The following TRIM62 variants were observed in gnomAD, a reference collection of about 807,000 sequenced individuals.
TRIM62 encodes E3 ubiquitin-protein ligase TRIM62.
TRIM62 carries 39 observed loss-of-function variants against 44.2 expected under a neutral mutation model. The ratio of observed to expected loss-of-function variants is 0.88; its 90% CI spans 0.68 to 1.15. The LOEUF (loss-of-function observed/expected upper bound fraction) is 1.15, where lower values mean the gene tolerates loss of function less well. Among genes scored for constraint, TRIM62 ranks in the 50% most tolerant of loss-of-function variants. The pLI, the probability that TRIM62 is intolerant of heterozygous loss-of-function variation, is 0.00. For missense variants in TRIM62, 544 were observed against 665.5 expected (o/e 0.82, Z 2.01); for synonymous variants, 278 against 292.3 (o/e 0.95, Z 0.50).
chr1:33,160,047 T>C, intron 2 of TRIM62, 103 bp from the exon 3 acceptor site: 2 of 1,470,382 alleles, frequency 1.4e-6, no homozygotes, highest in Non-Finnish European at 1.8e-6. Context: ...GAGGAAAGGG[T>C]GGGAAAGGGC....
intron 4 of TRIM62, among the ~76,000 whole-genome samples, chr1:33,151,020 G>C (rs972855310): frequency 3.9e-5 from 6 of 152,098 alleles, no homozygotes; most frequent in African/African-American, 1.4e-4. Flanking sequence ...GTGCGGGGCG[G>C]GGGGTACCCT....
chr1:33,170,899 C>T (rs932988244), intron 1 of TRIM62, among the ~76,000 whole-genome samples: 5 of 152,178 alleles, frequency 3.3e-5, no homozygotes, highest in Non-Finnish European at 7.4e-5. Flanking sequence ...AGTGTTCAGC[C>T]TCACAGGGCA....
intron 3 of TRIM62, 24 bp from the exon 4 acceptor site, chr1:33,158,392 G>A (rs771187884): frequency 6.2e-7 from 1 of 1,602,588 alleles, no homozygotes; most frequent in South Asian, 1.1e-5. Context: ...AGGAAAGGGG[G>A]CTGCACCAGG....
In TRIM62 at chr1:33,165,607, C is replaced by A; in HGVS notation, c.409-41G>T. 1 of 1,544,774 alleles carries A rather than the reference C, an allele frequency of 6.5e-7. No homozygotes were observed. Among genetic ancestry groups the A allele is most frequent in the Admixed American group, 1.9e-5 (1 of 53,666 alleles). The stretch of plus-strand genomic sequence containing the variant: ...GGCCGGGATGGGGGCAGGGGCCATG[C>A]CTGGCCCAGGCATTCAGCCCTGACC... On this transcript the variant is annotated intron_variant, in intron 1 of 4. Transcript: ENST00000291416. The surrounding 1 kb of genome is among the most constrained non-coding windows in gnomAD (Gnocchi z 4.0).
chr1:33,163,485 A>C (rs1426080238), intron 2 of TRIM62: 1 of 152,276 alleles, frequency 6.6e-6, no homozygotes, highest in East Asian at 1.9e-4. Context: ...CTCAGCACAG[A>C]GAAAAGTTCT....
intron 4 of TRIM62, among the ~76,000 whole-genome samples, chr1:33,155,572 A>G (rs946695477): frequency 6.6e-6 from 1 of 152,190 alleles, no homozygotes; most frequent in Non-Finnish European, 1.5e-5. Context: ...AAGGAAGGGC[A>G]CAGGCTCTGG....
Position 33,177,546 on chromosome 1 carries a change from AT to A in TRIM62, c.408+3478del, listed in dbSNP as rs1366716379. On this transcript the variant is annotated intron_variant, in intron 1 of 4. Transcript: ENST00000291416. This position sits in a 1 kb window ranked among gnomAD's most constrained non-coding sequence, Gnocchi z 4.1. ...GGGAAGGCTTCACAGAGGAGGTGAT[AT>A]TTGACCTGAAGTTTTAAAGTTCAGT... 6.6e-6 allele frequency among the ~76,000 whole-genome samples: 1 copy of A among 152,216 alleles called. No individual in the cohort carries two copies. Among genetic ancestry groups the A allele is most frequent in the African/African-American group, 2.4e-5 (1 of 41,450 alleles).
At position 33,161,211 on chromosome 1, in the gene TRIM62, C is replaced by G. The variant is rs147641540; in HGVS notation, c.505-1267G>C. ...GACTGCAATTCTAATAAGCGTTTCC[C>G]GGAAGTCTTCATTGAGAGACGGGTT... On this transcript the variant is annotated intron_variant, in intron 2 of 4. Transcript: ENST00000291416. The surrounding 1 kb of genome is among the most constrained non-coding windows in gnomAD (Gnocchi z 4.3). Among the ~76,000 whole-genome samples, 1 of 152,196 alleles carries G rather than the reference C, an allele frequency of 6.6e-6. No individual in the cohort carries two copies. The highest frequency in any genetic ancestry group is 1.5e-5 in the Non-Finnish European group (1 of 68,026).
intron 1 of TRIM62, among the ~76,000 whole-genome samples, chr1:33,173,708 A>T (rs1335091666): frequency 6.7e-5 from 10 of 149,652 alleles, no homozygotes; most frequent in South Asian, 4.2e-4. Flanking sequence ...ATTAAAAAAA[A>T]TTTTTTTAGA....
chr1:33,166,667 C>G (rs924509362), intron 1 of TRIM62, among the ~76,000 whole-genome samples: 5 of 152,132 alleles, frequency 3.3e-5, no homozygotes, highest in Admixed American at 3.3e-4. Flanking sequence ...CCCGGACAGC[C>G]TGGTTGTGGA....
Position 33,181,335 on chromosome 1 carries a change from C to G in TRIM62, c.98G>C (p.Arg33Pro). ...CCGCACCCAGTGCTCCGTGATGCAG[C>G]GGCGGCAGAAGTAATGCTCGCAGCC... ...SLGCEHYFCRRCITEHWVRQE... is the reference protein window; with the variant it reads ...SLGCEHYFCRPCITEHWVRQE... Residue 33 changes from arginine to proline, a missense_variant, in exon 1 of 5, where the codon CGC becomes CCC. By Grantham distance (103) the Arg-to-Pro change is moderately radical (BLOSUM62 -2). Transcript: ENST00000291416. This position sits in a 1 kb window ranked among gnomAD's most constrained non-coding sequence, Gnocchi z 6.5. 1.3e-6 allele frequency: 2 copies of G among 1,579,868 alleles called. No homozygotes were observed. The highest frequency in any genetic ancestry group is 1.7e-6 in the Non-Finnish European group (2 of 1,166,984).
chr1:33,158,415 G>T, intron 3 of TRIM62, 47 bp from the exon 4 acceptor site: 1 of 1,564,798 alleles, frequency 6.4e-7, no homozygotes, highest in Non-Finnish European at 8.8e-7. Context: ...CTGGATTCCT[G>T]CCCCAATGCC....
chr1:33,156,002 C>G (rs187907762), intron 4 of TRIM62, among the ~76,000 whole-genome samples: 1 of 152,330 alleles, frequency 6.6e-6, no homozygotes, highest in Non-Finnish European at 1.5e-5. Context: ...ATCCCCCAAG[C>G]GCCCACCACT....
chr1:33,181,197 G>T lies in TRIM62; in HGVS notation c.236C>A (p.Pro79Gln), dbSNP rs1317435176. The T allele has an allele frequency of 2.5e-6, 4 of 1,589,624 alleles. No individual in the cohort carries two copies. Among genetic ancestry groups the T allele is most frequent in the Non-Finnish European group, 3.4e-6 (4 of 1,173,544 alleles). The change falls in exon 1 of 5, where the codon CCG becomes CAG. Residue 79 changes from proline to glutamine, a missense_variant. Transcript: ENST00000291416. The surrounding 1 kb of genome is among the most constrained non-coding windows in gnomAD (Gnocchi z 6.5). ...ANIVERYSSF[P>Q]LDAILNARRA... ...GCGCGCGTTGAGGATGGCGTCCAGCGGGAAGGAGCTGTAGCGCTCCACGAT... is the reference window on the plus strand; with the variant it reads ...GCGCGCGTTGAGGATGGCGTCCAGCTGGAAGGAGCTGTAGCGCTCCACGAT...
chr1:33,171,905 C>T (rs1645377495), intron 1 of TRIM62, among the ~76,000 whole-genome samples: 1 of 152,166 alleles, frequency 6.6e-6, no homozygotes, highest in South Asian at 2.1e-4. Context: ...CCTCAGCCTC[C>T]TGAGTAGCTG....
At chr1:33,180,684 C>T (rs1187915456) in intron 1 of TRIM62, among the ~76,000 whole-genome samples, 1 of 152,234 alleles carries the variant, frequency 6.6e-6, no homozygotes, top group Non-Finnish European at 1.5e-5. Context: ...CACAACCCTG[C>T]CCCAGCCCAG....
At chr1:33,155,164 T>C (rs887016445) in intron 4 of TRIM62, among the ~76,000 whole-genome samples, 5 of 149,402 alleles carry the variant, frequency 3.3e-5, no homozygotes, top group Admixed American at 2.6e-4. Flanking sequence ...CTTCACCGCC[T>C]GGGTTCAAGC....
intron 1 of TRIM62, among the ~76,000 whole-genome samples, chr1:33,178,750 C>T (rs902164504): frequency 2.0e-5 from 3 of 152,322 alleles, no homozygotes; most frequent in South Asian, 4.1e-4. Flanking sequence ...TCCAACCCCA[C>T]AACAGTGCAC....
In TRIM62 at chr1:33,159,830, T is replaced by C. The variant is rs1645237470; in HGVS notation, c.619A>G (p.Thr207Ala). The change falls in exon 3 of 5, where the codon ACG becomes GCG. Residue 207 changes from threonine to alanine, a missense_variant. Thr to Ala is a moderately conservative substitution (Grantham distance 58). Transcript: ENST00000291416. This position sits in a 1 kb window ranked among gnomAD's most constrained non-coding sequence, Gnocchi z 4.2. ...LEELEADTAR[T>A]LTDIEQKVQR... is the part of the protein sequence containing the mutation. ...ACTTTCTGCTCGATGTCGGTCAGCG[T>C]GCGGGCCGTGTCCGCCTCCAGCTCC... The C allele has an allele frequency of 6.2e-7, 1 of 1,613,636 alleles. No individual in the cohort carries two copies. The highest frequency in any genetic ancestry group is 8.5e-7 in the Non-Finnish European group (1 of 1,180,012).
Sources: allele counts gnomAD v4.1 joint callset (sites outside exome capture counted in the v4.1 genomes callset), GRCh38; gene constraint gnomAD v4.1.1; non-coding constraint Gnocchi (gnomAD v3.1); transcripts MANE v1.5; gene names NCBI Gene and HGNC (gene_info 2026-07-23, HGNC 2026-07-21).